The following NTNG1 variants were observed in gnomAD, a reference collection of about 807,000 sequenced individuals.
The protein encoded by NTNG1 is netrin-G1.
In NTNG1, 16 loss-of-function variants were observed where a neutral mutation model predicts 54.0. The observed-to-expected ratio is 0.30, with a 90% confidence interval of 0.20 to 0.45. NTNG1 has a LOEUF of 0.45. Ranked by LOEUF, NTNG1 falls within the 20% of genes least tolerant of loss-of-function variation. The probability of loss-of-function intolerance (pLI) is 1.00; values close to 1 mark genes in which losing one functional copy is unlikely to be tolerated. For synonymous variants in NTNG1, 255 were observed against 263.1 expected, an observed-to-expected ratio of 0.97 and a Z score of 0.30; for missense variants, 530 against 678.7, an observed-to-expected ratio of 0.78 and a Z score of 2.43.
chr1:107,334,274 A>G (rs1668447931), intron 3 of NTNG1, among the ~76,000 whole-genome samples: 1 of 152,004 alleles, frequency 6.6e-6, no homozygotes, highest in Non-Finnish European at 1.5e-5. Context: ...GCCCAGTAAA[A>G]CTGAACATTG....
intron 3 of NTNG1, among the ~76,000 whole-genome samples, chr1:107,338,771 C>T (rs1668736058): frequency 6.6e-6 from 1 of 150,828 alleles, no homozygotes; most frequent in African/African-American, 2.4e-5. Flanking sequence ...TGGAGAATGA[C>T]CACAGAGAAT....
chr1:107,235,504 C>A (rs1661345828), intron 2 of NTNG1, among the ~76,000 whole-genome samples: 1 of 152,130 alleles, frequency 6.6e-6, no homozygotes, highest in Admixed American at 6.5e-5. Flanking sequence ...TGCCAGGGAA[C>A]CTCAGCCTCT....
At chr1:107,181,059 G>A (rs1169649095) in intron 2 of NTNG1, among the ~76,000 whole-genome samples, 1 of 152,088 alleles carries the variant, frequency 6.6e-6, no homozygotes, top group Admixed American at 6.6e-5. Context: ...CACTTATGCC[G>A]AACTCTTTTC....
chr1:107,474,212 C>T (rs1190382254), intron 7 of NTNG1, among the ~76,000 whole-genome samples: 1 of 152,144 alleles, frequency 6.6e-6, no homozygotes, highest in Non-Finnish European at 1.5e-5. Context: ...ACATAGGACA[C>T]TCTAAGACTG....
chr1:107,469,307 C>A (rs1012495385), intron 7 of NTNG1, among the ~76,000 whole-genome samples: 1 of 152,080 alleles, frequency 6.6e-6, no homozygotes, highest in Non-Finnish European at 1.5e-5. Context: ...GGTATCCAAC[C>A]TGAGTTGGCA....
chr1:107,360,403 AGTG>A (rs1670190316), intron 3 of NTNG1, among the ~76,000 whole-genome samples: 1 of 152,174 alleles, frequency 6.6e-6, no homozygotes, highest in Non-Finnish European at 1.5e-5. Context: ...AAAGAGAAAC[AGTG>A]AGTGTAAAGA....
chr1:107,370,412 A>G (rs140571358), intron 3 of NTNG1, among the ~76,000 whole-genome samples: 4 of 151,676 alleles, frequency 2.6e-5, no homozygotes, highest in Non-Finnish European at 5.9e-5. Flanking sequence ...TTACATGAGT[A>G]AGTTCTTTAG....
intron 3 of NTNG1, among the ~76,000 whole-genome samples, chr1:107,378,685 TCAGGACAGACTACAGACA>T (rs2101024113): frequency 6.6e-6 from 1 of 152,200 alleles, no homozygotes; most frequent in African/African-American, 2.4e-5. Flanking sequence ...GGTTCACAGG[TCAGGACAGACTACAGACA>T]GAGAGGCTGG....
chr1:107,420,232 C>T (rs950087761), intron 5 of NTNG1, among the ~76,000 whole-genome samples: 5 of 152,042 alleles, frequency 3.3e-5, no homozygotes, highest in Admixed American at 6.6e-5. Context: ...TCAGAAATAT[C>T]ATTATGTAAT....
chr1:107,242,227 A>C (rs576889989), intron 2 of NTNG1, among the ~76,000 whole-genome samples: 1 of 152,172 alleles, frequency 6.6e-6, no homozygotes, highest in South Asian at 2.1e-4. Context: ...GAGGTGAGAG[A>C]ATCCTTTGAG....
intron 4 of NTNG1, among the ~76,000 whole-genome samples, chr1:107,405,530 A>G (rs1184288364): frequency 6.6e-6 from 1 of 152,162 alleles, no homozygotes; most frequent in African/African-American, 2.4e-5. Context: ...CTGCCCTGGT[A>G]CTAAAGGAAT....
intron 2 of NTNG1, among the ~76,000 whole-genome samples, chr1:107,253,167 G>T (rs1662718010): frequency 6.6e-6 from 1 of 152,222 alleles, no homozygotes; most frequent in Admixed American, 6.5e-5. Context: ...GGTTAAAACA[G>T]TCTTGAGAAA....
At chr1:107,236,077 CACAG>C (rs767307706) in intron 2 of NTNG1, among the ~76,000 whole-genome samples, 18 of 152,108 alleles carry the variant, frequency 1.2e-4, no homozygotes, top group Non-Finnish European at 1.8e-4. Flanking sequence ...TGCACACACA[CACAG>C]ACACACAACA....
At chr1:107,340,445 C>A (rs764409468) in intron 3 of NTNG1, among the ~76,000 whole-genome samples, 4 of 151,916 alleles carry the variant, frequency 2.6e-5, no homozygotes, top group Non-Finnish European at 4.4e-5. Context: ...AAACAGGAGC[C>A]CTGCAGAAGC....
chr1:107,240,998 T>A (rs1023157433), intron 2 of NTNG1, among the ~76,000 whole-genome samples: 3 of 152,182 alleles, frequency 2.0e-5, no homozygotes, highest in Non-Finnish European at 4.4e-5. Flanking sequence ...AAGTACTAAT[T>A]ACATGATTCC....
At chr1:107,325,131 C>G (rs911180931) in intron 3 of NTNG1, among the ~76,000 whole-genome samples, 3 of 152,090 alleles carry the variant, frequency 2.0e-5, no homozygotes, top group Admixed American at 1.3e-4. Context: ...CTGAACCTGG[C>G]ATGATTCTTC....
intron 2 of NTNG1, among the ~76,000 whole-genome samples, chr1:107,188,645 A>G (rs982686858): frequency 2.0e-5 from 3 of 152,128 alleles, no homozygotes; most frequent in Non-Finnish European, 2.9e-5. Context: ...CATATGAATA[A>G]TATTAGAGTA....
intron 2 of NTNG1, among the ~76,000 whole-genome samples, chr1:107,154,759 T>C (rs534062802): frequency 4.6e-5 from 7 of 151,274 alleles, no homozygotes; most frequent in African/African-American, 1.5e-4. Context: ...GATATATATA[T>C]ATATATCAGG....
intron 2 of NTNG1, among the ~76,000 whole-genome samples, chr1:107,309,843 A>G (rs1666900427): frequency 1.3e-5 from 2 of 152,168 alleles, no homozygotes; most frequent in Non-Finnish European, 2.9e-5. Flanking sequence ...CTTGTTTTAT[A>G]TTTAAACCTA....
Sources: allele counts gnomAD v4.1 joint callset (sites outside exome capture counted in the v4.1 genomes callset), GRCh38; gene constraint gnomAD v4.1.1; transcripts MANE v1.5; gene names NCBI Gene and HGNC (gene_info 2026-07-23, HGNC 2026-07-21).